The following ABLIM2 variants were observed in gnomAD, a reference collection of about 807,000 sequenced individuals.
ABLIM2 encodes the protein actin binding LIM protein family member 2.
In ABLIM2, 53 loss-of-function variants were observed where a neutral mutation model predicts 97.7. The ratio of observed to expected loss-of-function variants is 0.54; its 90% confidence interval spans 0.44 to 0.68. The LOEUF is 0.68. Among genes scored for constraint, ABLIM2 ranks in the 30% least tolerant of loss-of-function variants. The probability of loss-of-function intolerance (pLI) is 0.00; values close to 1 mark genes in which losing one functional copy is unlikely to be tolerated. For missense variants in ABLIM2, 835 were observed against 867.2 expected (o/e 0.96, Z 0.47); for synonymous variants, 361 against 345.8 (o/e 1.04, Z -0.49).
chr4:7,980,790 C>T (rs1737470473), intron 20 of ABLIM2, among the ~76,000 whole-genome samples: 1 of 151,568 alleles, frequency 6.6e-6, no homozygotes, highest in Admixed American at 6.6e-5. Flanking sequence ...CTTTCCCTTT[C>T]TAGCTCTTTT....
In ABLIM2 at chr4:8,077,642, C is replaced by T. The variant is rs1157673069; in HGVS notation, c.661G>A (p.Gly221Arg). The change falls in exon 6 of 21, where the codon GGG becomes AGG. Residue 221 changes from glycine to arginine, a missense_variant. By Grantham distance (125) the Gly-to-Arg change is moderately radical. Transcript: ENST00000447017. Reference protein sequence around the residue: ...RCDSCEKYITGRVLEAGEKHY... With the variant: ...RCDSCEKYITRRVLEAGEKHY... ...GCCGCGCTTACCTCCAGCACGCGCCCCGTGATGTATTTCTCACAGCTGTCA... is the reference window on the plus strand; with the variant it reads ...GCCGCGCTTACCTCCAGCACGCGCCTCGTGATGTATTTCTCACAGCTGTCA... 6.2e-7 allele frequency: 1 copy of T among 1,611,592 alleles called. No individual in the cohort carries two copies. Among genetic ancestry groups the T allele is most frequent in the Non-Finnish European group, 8.5e-7 (1 of 1,178,844 alleles).
At chr4:8,027,995 G>A in intron 11 of ABLIM2, 138 bp from the exon 12 acceptor site, 1 of 592,840 alleles carries the variant, frequency 1.7e-6, no homozygotes, top group Non-Finnish European at 2.7e-6. Context: ...ACCTGAAGGT[G>A]GTCACCAAAC....
At position 8,125,671 on chromosome 4, in the gene ABLIM2, A is replaced by C. The variant is rs1161139428; in HGVS notation, c.11-19034T>G. Among the ~76,000 whole-genome samples, 1 of 152,166 alleles carries C rather than the reference A, an allele frequency of 6.6e-6. No homozygotes were observed. The highest frequency in any genetic ancestry group is 2.4e-5 in the African/African-American group (1 of 41,452). On this transcript the variant is annotated intron_variant, in intron 1 of 20. Transcript: ENST00000447017. This position sits in a 1 kb window ranked among gnomAD's most constrained non-coding sequence, Gnocchi z 6.2. ...CGGTCCGTCCAGCACAGTTGTCCAC[A>C]GTTGGTGGAAGCACAGTGGGCCTGA...
intron 2 of ABLIM2, among the ~76,000 whole-genome samples, chr4:8,102,608 G>A (rs549045924): frequency 7.9e-5 from 12 of 152,334 alleles, no homozygotes; most frequent in African/African-American, 2.6e-4. Flanking sequence ...CACATGAGCT[G>A]TGGGTGGCAG....
At chr4:8,049,026 T>C (rs1437979959) in intron 8 of ABLIM2, among the ~76,000 whole-genome samples, 3 of 152,180 alleles carry the variant, frequency 2.0e-5, no homozygotes, top group Admixed American at 6.5e-5. Context: ...AGAACCAGAC[T>C]GGACCATCAG....
In ABLIM2 at chr4:8,061,025, G is replaced by T; in HGVS notation, c.705C>A (p.Cys235Ter). 1 of 1,597,702 alleles carries T rather than the reference G, an allele frequency of 6.3e-7. No homozygotes were observed. The highest frequency in any genetic ancestry group is 8.5e-7 in the Non-Finnish European group (1 of 1,172,070). Residue 235 changes from cysteine to a stop codon, truncating the protein, a stop_gained, in exon 7 of 21, where the codon TGC (cysteine) becomes TGA (stop). Coordinates refer to ENST00000447017, the MANE Select transcript of ABLIM2 (RefSeq NM_001130083.2). LOFTEE classifies it high-confidence loss of function. This position sits in a 1 kb window ranked among gnomAD's most constrained non-coding sequence, Gnocchi z 4.5. ...TCTGGCCGCACCTGACACATAGCGC[G>T]CAGGAAGGGTGGTAGTGCTTCTCTC... ...EAGEKHYHPS[C>*]ALCVRCGQMF...
rs1846050231 is a variant in ABLIM2, at chr4:8,122,757, G to A, written c.11-16120C>T. Among the ~76,000 whole-genome samples, 1 of 152,160 alleles carries A rather than the reference G, an allele frequency of 6.6e-6. No individual in the cohort carries two copies. Among genetic ancestry groups the A allele is most frequent in the African/African-American group, 2.4e-5 (1 of 41,426 alleles). ...ACTTTAGTTCTTTTCATCCTGCACA[G>A]CTGGGACCTGTCCTCTCTTCACCAT... On this transcript the variant is annotated intron_variant, in intron 1 of 20. Coordinates refer to ENST00000447017, the MANE Select transcript of ABLIM2 (RefSeq NM_001130083.2). The surrounding 1 kb of genome is among the most constrained non-coding windows in gnomAD (Gnocchi z 4.1).
chr4:8,065,794 G>A (rs560575251), intron 6 of ABLIM2, among the ~76,000 whole-genome samples: 4 of 151,836 alleles, frequency 2.6e-5, no homozygotes, highest in Admixed American at 6.6e-5. Flanking sequence ...CTTGGTGGCG[G>A]GTGCCTGTAA....
rs1758109613 is a variant in ABLIM2, at chr4:8,002,786, T to C, written c.1618+5273A>G. Among the ~76,000 whole-genome samples the C allele has an allele frequency of 6.6e-6, 1 of 152,140 alleles. No individual in the cohort carries two copies. The highest frequency in any genetic ancestry group is 2.1e-4 in the South Asian group (1 of 4,808). On this transcript the variant is annotated intron_variant, in intron 16 of 20. Transcript: ENST00000447017. The surrounding 1 kb of genome is among the most constrained non-coding windows in gnomAD (Gnocchi z 6.1). ...TGACCTGACGCATGGCCCTCACTGT[T>C]CTTCCAACCCACGGCCCGGCCTCCG...
chr4:8,035,703 AC>A (rs1784113210), intron 10 of ABLIM2, among the ~76,000 whole-genome samples: 1 of 152,262 alleles, frequency 6.6e-6, no homozygotes, highest in Non-Finnish European at 1.5e-5. Context: ...CAGGTCGGTT[AC>A]ATTGGCTCAT....
rs1722807623 is a variant in ABLIM2, at chr4:7,965,940, G to T, written c.*1050C>A. ...GGACGGTGCATCAAGAGCTACGTCG[G>T]GTATTAGGCAGGGTACGTGGAAACC... is the stretch of plus-strand genomic sequence containing the variant. On this transcript the variant is annotated 3_prime_UTR_variant, in exon 21 of 21. Transcript: ENST00000447017. The T allele has an allele frequency of 6.6e-6, 1 of 152,218 alleles. No individual in the cohort carries two copies. Among genetic ancestry groups the T allele is most frequent in the African/African-American group, 2.4e-5 (1 of 41,442 alleles). 9.4% of individuals were successfully genotyped at this position (152,218 alleles called of 1,614,324 possible).
At chr4:8,016,687 T>C (rs1769510209) in intron 14 of ABLIM2, among the ~76,000 whole-genome samples, 1 of 152,152 alleles carries the variant, frequency 6.6e-6, no homozygotes, top group South Asian at 2.1e-4. Context: ...AGATAAAGAC[T>C]GTCTCGAGGA....
chr4:7,984,991 C>T, intron 17 of ABLIM2, 98 bp from the exon 18 acceptor site: 1 of 1,268,580 alleles, frequency 7.9e-7, no homozygotes. Context: ...AGGCCGAGGT[C>T]CTCGTGCTGC....
intron 8 of ABLIM2, among the ~76,000 whole-genome samples, chr4:8,051,339 G>C (rs933000318): frequency 6.6e-6 from 1 of 151,984 alleles, no homozygotes; most frequent in African/African-American, 2.4e-5. Context: ...CCGAGGTCAA[G>C]AGATTGAGAC....
intron 2 of ABLIM2, among the ~76,000 whole-genome samples, chr4:8,106,079 G>T (rs77311096): frequency 0.1 from 15,317 of 152,240 alleles, 895 homozygotes; most frequent in African/African-American, 0.15. Context: ...GCTACTTCGG[G>T]TGGGGGTCCC....
chr4:7,997,942 C>A (rs1394199531), intron 16 of ABLIM2, among the ~76,000 whole-genome samples: 2 of 151,542 alleles, frequency 1.3e-5, no homozygotes, highest in Admixed American at 6.6e-5. Context: ...AGTGCAATGG[C>A]ACCATCTCGG....
rs762006876 is a variant in ABLIM2 at position 7,996,658 on chromosome 4, C to T, written c.1619-3731G>A. Among the ~76,000 whole-genome samples the T allele has an allele frequency of 5.9e-5, 9 of 152,228 alleles. No individual in the cohort carries two copies. Among genetic ancestry groups the T allele is most frequent in the Non-Finnish European group, 1.0e-4 (7 of 68,046 alleles). ...TTGTCCCCGGTTTTACCTATTCCGA[C>T]GTTCTTCTTTCCTTTCTGAAGTTCC... On this transcript the variant is annotated intron_variant, in intron 16 of 20. Transcript: ENST00000447017. This position sits in a 1 kb window ranked among gnomAD's most constrained non-coding sequence, Gnocchi z 4.5.
At chr4:7,993,766 G>C (rs917104764) in intron 16 of ABLIM2, among the ~76,000 whole-genome samples, 1 of 152,210 alleles carries the variant, frequency 6.6e-6, no homozygotes, top group Non-Finnish European at 1.5e-5. Context: ...TGAAATAATA[G>C]AGGGCTGGTC....
At chr4:8,146,451 C>G (rs1027838486) in intron 1 of ABLIM2, among the ~76,000 whole-genome samples, 6 of 152,330 alleles carry the variant, frequency 3.9e-5, no homozygotes, top group African/African-American at 1.2e-4. Flanking sequence ...AGCAGTGCCT[C>G]GGCTCGCTAA....
Sources: gnomAD v4.1 joint callset for allele counts (sites outside exome capture counted in the v4.1 genomes callset) on GRCh38, gnomAD v4.1.1 for gene constraint, Gnocchi (gnomAD v3.1) non-coding constraint, MANE v1.5 for transcripts, NCBI Gene and HGNC (gene_info 2026-07-23, HGNC 2026-07-21) for gene names.